Variants in CROCC observed in about 807,000 individuals in gnomAD.
CROCC encodes the protein rootletin.
Under a neutral mutation model 245.2 loss-of-function variants are expected in CROCC, and 180 were observed. The ratio of observed to expected loss-of-function variants is 0.73; its 90% CI spans 0.65 to 0.83. The LOEUF is 0.83. CROCC is among the 40% of genes least tolerant of loss of function. CROCC has a pLI of 0.00. For synonymous variants in CROCC, 1,205 were observed against 1,241.6 expected (o/e 0.97, Z 0.62); for missense variants, 2,688 against 2,779.4 (o/e 0.97, Z 0.74).
intron 24 of CROCC, 66 bp downstream of exon 24, chr1:16,955,616 C>T: frequency 1.5e-6 from 2 of 1,317,668 alleles, no homozygotes; most frequent in Middle Eastern, 1.9e-4. Context: ...CCTAACTTCA[C>T]CCCCAACGTT....
At position 16,930,307 on chromosome 1, in the gene CROCC, C is replaced by G; in HGVS notation, c.643C>G (p.Leu215Val). ...CCAGGACACAGAGCACAGCCAAGACCTGGAAAGCGCCCTCATCCGGCTGGA... is the reference window on the plus strand; with the variant it reads ...CCAGGACACAGAGCACAGCCAAGACGTGGAAAGCGCCCTCATCCGGCTGGA... ...RLRDTEHSQD[L>V]ESALIRLEEE... The change falls in exon 6 of 37, where the codon CTG (leucine) becomes GTG (valine). Residue 215 changes from leucine to valine, a missense_variant. By Grantham distance (32) the Leu-to-Val change is conservative. Transcript: ENST00000375541. The G allele has an allele frequency of 3.1e-6, 5 of 1,607,504 alleles. No homozygotes were observed. Among genetic ancestry groups the G allele is most frequent in the Non-Finnish European group, 3.4e-6 (4 of 1,177,722 alleles).
intron 20 of CROCC, among the ~76,000 whole-genome samples, chr1:16,951,761 G>A (rs1409747586): frequency 6.6e-6 from 1 of 152,264 alleles, no homozygotes; most frequent in Non-Finnish European, 1.5e-5. Context: ...TCCTAGACAG[G>A]GCTGCCTCTG....
In CROCC at chr1:16,930,830, T is replaced by C. The variant is rs186673304; in HGVS notation, c.849+236T>C. 5.1e-4 allele frequency among the ~76,000 whole-genome samples: 77 copies of C among 152,394 alleles called. 1 individual carries two copies. The highest frequency in any genetic ancestry group is 1.0e-3 in the South Asian group (5 of 4,830). On this transcript the variant is annotated intron_variant, in intron 7 of 36. Transcript: ENST00000375541. ...AACTGCATGTGGTAGGTGCTATCAT[T>C]CTCCTCATTTTAAAGAGAGGTTAAG...
At chr1:16,970,957 G>C (rs190142114) in intron 35 of CROCC, 190 bp downstream of exon 35, 2 of 577,986 alleles carry the variant, frequency 3.5e-6, no homozygotes, top group African/African-American at 1.9e-5. Context: ...GACACGAAAG[G>C]CCTGTTTGCA....
At chr1:16,934,607 A>C (rs966835787) in intron 8 of CROCC, among the ~76,000 whole-genome samples, 10 of 152,382 alleles carry the variant, frequency 6.6e-5, no homozygotes, top group African/African-American at 2.4e-4. Context: ...CTGGCCTTAA[A>C]ATACAAAACA....
chr1:16,935,979 G>A (rs141797837), intron 8 of CROCC, among the ~76,000 whole-genome samples: 1,834 of 151,874 alleles, frequency 0.012, no homozygotes, highest in Middle Eastern at 0.021. Context: ...AGTGCCCTCC[G>A]TTGTGGTTGT....
At chr1:16,938,324 C>T (rs1570628120) in intron 10 of CROCC, 76 bp from the exon 11 acceptor site, 2 of 1,376,574 alleles carry the variant, frequency 1.5e-6, no homozygotes, top group Non-Finnish European at 2.0e-6. Flanking sequence ...AGTGGTGGGC[C>T]AGGTAGGGAG....
In CROCC at chr1:16,955,699, T is replaced by C. The variant is rs1463877535; in HGVS notation, c.3704+149T>C. 4.3e-5 allele frequency: 36 copies of C among 845,112 alleles called. 1 individual carries two copies. The East Asian group carries it at 9.7e-4, about 23-fold the overall frequency. 52.4% of individuals were successfully genotyped at this position (845,112 alleles called of 1,614,324 possible). On this transcript the variant is annotated intron_variant, in intron 24 of 36. Transcript: ENST00000375541. ...TGGCACCTGGGTGATTTTAGGAAGGTTTCCTCCCTGTTGATTGGGGAAAGG... is the reference window on the plus strand; with the variant it reads ...TGGCACCTGGGTGATTTTAGGAAGGCTTCCTCCCTGTTGATTGGGGAAAGG...
Position 16,953,419 on chromosome 1 carries a change from A to C in CROCC, c.3124A>C (p.Ile1042Leu), listed in dbSNP as rs2076196455. 1 of 1,610,920 alleles carries C rather than the reference A, an allele frequency of 6.2e-7. No homozygotes were observed. Among genetic ancestry groups the C allele is most frequent in the East Asian group, 2.2e-5 (1 of 44,872 alleles). Residue 1042 changes from isoleucine to leucine, a missense_variant, in exon 21 of 37, where the codon ATT becomes CTT. By Grantham distance (5) the Ile-to-Leu change is conservative. This residue lies in a region of CROCC where 106 missense variants were observed against 126.1 expected (regional missense o/e 0.84). Coordinates refer to ENST00000375541, the MANE Select transcript of CROCC (RefSeq NM_014675.5). ...TGAGAAGGAAGAGCTGAGTGAGGAG[A>C]TTGCTGCCCTGCAGCAGGAGCGCGA... ...EAEKEELSEEIAALQQERDEG... is the reference protein window; with the variant it reads ...EAEKEELSEELAALQQERDEG...
At chr1:16,926,170 C>T (rs115118085) in intron 3 of CROCC, among the ~76,000 whole-genome samples, 125 of 152,306 alleles carry the variant, frequency 8.2e-4, no homozygotes, top group African/African-American at 2.9e-3. Context: ...CCCGCTGCTT[C>T]AGTTGTCCTC....
At chr1:16,938,553 G>C in intron 11 of CROCC, 70 bp downstream of exon 11, 1 of 1,402,352 alleles carries the variant, frequency 7.1e-7, no homozygotes, top group Non-Finnish European at 9.8e-7. Context: ...CACGTCTTTC[G>C]GTGACCTGGG....
At chr1:16,944,986 A>G (rs1214159287) in intron 14 of CROCC, among the ~76,000 whole-genome samples, 7 of 152,408 alleles carry the variant, frequency 4.6e-5, no homozygotes, top group Non-Finnish European at 7.3e-5. Context: ...TAATCCCAGC[A>G]CTTTGAGAGG....
In CROCC at chr1:16,956,150, G is replaced by A; in HGVS notation, c.3858G>A (p.Arg1286=). The A allele has an allele frequency of 6.5e-7, 1 of 1,542,800 alleles. No homozygotes were observed. Among genetic ancestry groups the A allele is most frequent in the Non-Finnish European group, 8.8e-7 (1 of 1,142,130 alleles). The change falls in exon 25 of 37, where the codon CGG becomes CGA. Residue 1286 remains arginine (R), a synonymous_variant. Transcript: ENST00000375541. ...CTCGGCGGGAGCTGCAGGAGCTCCG[G>A]CGTCAGGTACTCTCCCTGTGCCACC... ...LEARRELQEL[R]RQMKMLDSEN... is the part of the protein sequence containing the mutation.
rs998458837 is a variant in CROCC at position 16,922,631 on chromosome 1, G to T, written c.61-32G>T. On this transcript the variant is annotated intron_variant, in intron 1 of 36. Transcript: ENST00000375541. ...GAGGCCAGGGAGCCCCGGGTCCCATGTCCCCTGAAGACCCTCTCGCTTTTC... is the reference window on the plus strand; with the variant it reads ...GAGGCCAGGGAGCCCCGGGTCCCATTTCCCCTGAAGACCCTCTCGCTTTTC... 4 of 1,569,898 alleles carry T rather than the reference G, an allele frequency of 2.5e-6. No homozygotes were observed. The African/African-American group carries it at 5.4e-5, about 21-fold the overall frequency.
At chr1:16,932,893 G>C (rs370683512) in intron 8 of CROCC, among the ~76,000 whole-genome samples, 1 of 152,412 alleles carries the variant, frequency 6.6e-6, no homozygotes, top group African/African-American at 2.4e-5. Context: ...GCTCACTACA[G>C]CCTCAGCCTC....
chr1:16,970,032 G>A (rs1313088042), intron 33 of CROCC, 98 bp downstream of exon 33: 5 of 1,430,862 alleles, frequency 3.5e-6, no homozygotes, highest in Non-Finnish European at 4.7e-6. Context: ...CCAAACCCTG[G>A]TGCAGCCTCC....
intron 28 of CROCC, 26 bp downstream of exon 28, chr1:16,965,918 T>G (rs1199728721): frequency 2.5e-6 from 4 of 1,605,974 alleles, no homozygotes; most frequent in African/African-American, 1.3e-5. Flanking sequence ...CATGGCTGGA[T>G]GGGGAACCTG....
rs1406350471 is a variant in CROCC, at chr1:16,951,020, G to C, written c.2904G>C (p.Leu968=). Residue 968 remains leucine (L), a synonymous_variant, in exon 20 of 37, where the codon CTG becomes CTC. Transcript: ENST00000375541. The part of the protein sequence containing the change: ...TQEKASLDKE[L]MAQKLVQAER... ...AGAAAGCCAGTCTAGACAAGGAGCT[G>C]ATGGCCCAGAAGCTGGTGCAGGCTG... is the stretch of plus-strand genomic sequence containing the variant. The C allele has an allele frequency of 6.2e-7, 1 of 1,607,452 alleles. No homozygotes were observed.
chr1:16,925,908 C>T (rs1474123250), intron 3 of CROCC, among the ~76,000 whole-genome samples: 1 of 152,252 alleles, frequency 6.6e-6, no homozygotes, highest in Non-Finnish European at 1.5e-5. Flanking sequence ...TGATGGGGCC[C>T]TGAGCCAGGC....
Sources: gnomAD v4.1 joint callset for allele counts (sites outside exome capture counted in the v4.1 genomes callset) on GRCh38, gnomAD v4.1.1 for gene constraint, gnomAD v4.1.1 regional missense constraint, MANE v1.5 for transcripts, NCBI Gene and HGNC (gene_info 2026-07-23, HGNC 2026-07-21) for gene names.